Variants in ZBTB7C observed in about 807,000 individuals in gnomAD.
ZBTB7C encodes the protein zinc finger and BTB domain containing 7C, also known as zinc finger and BTB domain-containing protein 7C.
A neutral mutation model predicts 25.7 loss-of-function variants in ZBTB7C; 8 were observed. That is an observed-to-expected ratio of 0.31 (90% confidence interval 0.18 to 0.56). ZBTB7C has a LOEUF of 0.56. Ranked by LOEUF, ZBTB7C falls within the 20% of genes least tolerant of loss-of-function variation. The probability of loss-of-function intolerance (pLI) is 0.91; values close to 1 mark genes in which losing one functional copy is unlikely to be tolerated. For synonymous variants in ZBTB7C, 394 were observed against 369.0 expected, an observed-to-expected ratio of 1.07 and a Z score of -0.78; for missense variants, 824 against 855.2, an observed-to-expected ratio of 0.96 and a Z score of 0.46.
At chr18:48,039,195 G>A (rs577804924) in intron 4 of ZBTB7C, among the ~76,000 whole-genome samples, 1 of 152,256 alleles carries the variant, frequency 6.6e-6, no homozygotes, top group African/African-American at 2.4e-5. Flanking sequence ...AAATGGAAAG[G>A]CAAAGAGGAG....
chr18:48,394,746 G>A (rs907688671), intron 1 of ZBTB7C, among the ~76,000 whole-genome samples: 14 of 152,160 alleles, frequency 9.2e-5, no homozygotes, highest in Non-Finnish European at 1.5e-4. Context: ...TTGAGATTTA[G>A]AACATCAGAG....
At chr18:48,090,892 G>C (rs1370816909) in intron 3 of ZBTB7C, among the ~76,000 whole-genome samples, 4 of 152,156 alleles carry the variant, frequency 2.6e-5, no homozygotes, top group African/African-American at 9.7e-5. Flanking sequence ...GAGGTGGCCT[G>C]AGTGCTGGTT....
At chr18:48,201,188 G>A (rs74506696) in intron 2 of ZBTB7C, among the ~76,000 whole-genome samples, 18,509 of 152,072 alleles carry the variant, frequency 0.12, 1,517 homozygotes, top group Non-Finnish European at 0.18. Context: ...ACATACAATC[G>A]ATCTGTTCTT....
chr18:48,296,450 T>A (rs1434268847), intron 2 of ZBTB7C, among the ~76,000 whole-genome samples: 2 of 152,240 alleles, frequency 1.3e-5, no homozygotes, highest in African/African-American at 4.8e-5. Context: ...TTTTTTATTT[T>A]CCTTTAAGAT....
intron 2 of ZBTB7C, among the ~76,000 whole-genome samples, chr18:48,249,314 G>A (rs2043781897): frequency 6.6e-6 from 1 of 152,186 alleles, no homozygotes; most frequent in Non-Finnish European, 1.5e-5. Flanking sequence ...GCAAGAAGAT[G>A]CTCACTGTAG....
intron 2 of ZBTB7C, among the ~76,000 whole-genome samples, chr18:48,250,821 C>T (rs2043831507): frequency 6.7e-6 from 1 of 150,196 alleles, no homozygotes; most frequent in African/African-American, 2.5e-5. Flanking sequence ...ATTACTTAAT[C>T]ATCCTGTTTT....
At chr18:48,364,244 C>T (rs2047174660) in intron 1 of ZBTB7C, 1 of 152,224 alleles carries the variant, frequency 6.6e-6, no homozygotes, top group Admixed American at 6.5e-5. Context: ...AAGGTTAAGT[C>T]CCTGCCCTCA....
At chr18:48,079,431 G>A (rs2037897545) in intron 3 of ZBTB7C, among the ~76,000 whole-genome samples, 1 of 152,228 alleles carries the variant, frequency 6.6e-6, no homozygotes, top group East Asian at 1.9e-4. Flanking sequence ...TCCCATCTCA[G>A]AGATTCAAAG....
At chr18:48,262,255 G>C (rs949062) in intron 2 of ZBTB7C, among the ~76,000 whole-genome samples, 33,991 of 152,156 alleles carry the variant, frequency 0.22, 3,973 homozygotes, top group Middle Eastern at 0.31. Flanking sequence ...CTGGCTCATG[G>C]TCTACCCTAG....
chr18:48,405,286 G>A (rs1330770990), intron 1 of ZBTB7C, among the ~76,000 whole-genome samples: 2 of 152,002 alleles, frequency 1.3e-5, no homozygotes, highest in Non-Finnish European at 2.9e-5. Context: ...GGCAGAGTCA[G>A]GGGAGGAGGC....
At chr18:48,103,045 TTA>T (rs993945429) in intron 3 of ZBTB7C, among the ~76,000 whole-genome samples, 12 of 147,076 alleles carry the variant, frequency 8.2e-5, no homozygotes, top group Non-Finnish European at 1.0e-4. Flanking sequence ...ATATTTTATA[TTA>T]TATATATATC....
intron 2 of ZBTB7C, among the ~76,000 whole-genome samples, chr18:48,207,902 AGG>A (rs1297492451): frequency 3.3e-5 from 5 of 152,204 alleles, no homozygotes; most frequent in Non-Finnish European, 7.3e-5. Context: ...GAGGTTTAAG[AGG>A]GAGCTATCCA....
At chr18:48,109,911 A>C (rs1011888417) in intron 3 of ZBTB7C, among the ~76,000 whole-genome samples, 23 of 152,212 alleles carry the variant, frequency 1.5e-4, no homozygotes, top group Non-Finnish European at 2.6e-4. Flanking sequence ...TCCCAGGTGC[A>C]GAAAGCCTGG....
At chr18:48,229,389 TA>T (rs35157952) in intron 2 of ZBTB7C, among the ~76,000 whole-genome samples, 47 of 152,032 alleles carry the variant, frequency 3.1e-4, no homozygotes, top group South Asian at 1.0e-3. Context: ...AAGTGCCCTT[TA>T]AAAAAAATGT....
intron 1 of ZBTB7C, among the ~76,000 whole-genome samples, chr18:48,392,441 G>A (rs1049059481): frequency 1.3e-5 from 2 of 152,180 alleles, no homozygotes; most frequent in Non-Finnish European, 2.9e-5. Flanking sequence ...CTATGGCTGT[G>A]TTTCTCTGTT....
intron 2 of ZBTB7C, among the ~76,000 whole-genome samples, chr18:48,194,122 AG>A (rs2042263069): frequency 6.6e-6 from 1 of 152,232 alleles, no homozygotes; most frequent in African/African-American, 2.4e-5. Context: ...GGGCCAAGGA[AG>A]GGGAGGGCAG....
At chr18:48,074,260 T>A (rs1304559277) in intron 3 of ZBTB7C, among the ~76,000 whole-genome samples, 11 of 152,192 alleles carry the variant, frequency 7.2e-5, no homozygotes, top group Admixed American at 6.5e-4. Flanking sequence ...GTGATCTGCC[T>A]GCCTCGGCCT....
Position 48,135,588 on chromosome 18 carries a change from C to A in ZBTB7C, c.-17+50346G>T, listed in dbSNP as rs531778045. ...AGGTTGTGCCTTAAGGGGGGAGGAC[C>A]GGCACTGGGGCTACTTTTCTTTCCT... is the stretch of plus-strand genomic sequence containing the variant. On this transcript the variant is annotated intron_variant, in intron 3 of 4. Coordinates refer to ENST00000590800, the MANE Select transcript of ZBTB7C (RefSeq NM_001318841.2). 6.6e-5 allele frequency among the ~76,000 whole-genome samples: 10 copies of A among 152,138 alleles called. No homozygotes were observed. The South Asian group carries it at 2.1e-3, about 32-fold the overall frequency.
intron 2 of ZBTB7C, among the ~76,000 whole-genome samples, chr18:48,217,410 CAGCGTA>C (rs1366325970): frequency 6.6e-6 from 1 of 152,152 alleles, no homozygotes; most frequent in Admixed American, 6.5e-5. Flanking sequence ...GCCTCTCCTG[CAGCGTA>C]AGCACAGGGG....
Sources: gnomAD v4.1 joint callset for allele counts (sites outside exome capture counted in the v4.1 genomes callset) on GRCh38, gnomAD v4.1.1 for gene constraint, MANE v1.5 for transcripts, NCBI Gene and HGNC (gene_info 2026-07-23, HGNC 2026-07-21) for gene names.